RBFOX1: variants seen among roughly 807,000 people sequenced by gnomAD.
RBFOX1 encodes RNA binding protein fox-1 homolog 1.
RBFOX1 carries 8 observed loss-of-function variants against 57.7 expected under a neutral mutation model. That is an observed-to-expected ratio of 0.14 (90% CI 0.08 to 0.25). The LOEUF (loss-of-function observed/expected upper bound fraction) is 0.25. Among genes scored for constraint, RBFOX1 ranks in the 10% least tolerant of loss-of-function variants. The probability of loss-of-function intolerance (pLI) is 1.00; values close to 1 mark genes in which losing one functional copy is unlikely to be tolerated. For missense variants in RBFOX1, 611 were observed against 548.5 expected (o/e 1.11, Z -1.14); for synonymous variants, 326 against 222.4 (o/e 1.47, Z -4.15).
At chr16:6,483,612 G>A (rs1002497332) in intron 2 of RBFOX1, 4 of 1,516,578 alleles carry the variant, frequency 2.6e-6, no homozygotes, top group Non-Finnish European at 3.5e-6. Context: ...GAGGGAGGGA[G>A]GGAAGGGAGA....
intron 12 of RBFOX1, among the ~76,000 whole-genome samples, chr16:7,662,604 G>A (rs777393391): frequency 2.0e-5 from 3 of 152,178 alleles, no homozygotes; most frequent in East Asian, 3.8e-4. Context: ...AAGGTGCAAC[G>A]AGTCACATGC....
chr16:7,034,616 G>C (rs1277102376), intron 3 of RBFOX1, among the ~76,000 whole-genome samples: 1 of 151,862 alleles, frequency 6.6e-6, no homozygotes, highest in Non-Finnish European at 1.5e-5. Context: ...CAATGTTTTT[G>C]TGTCTATCTC....
intron 3 of RBFOX1, among the ~76,000 whole-genome samples, chr16:5,864,675 T>C (rs7201619): frequency 0.26 from 39,653 of 151,970 alleles, 5,696 homozygotes; most frequent in African/African-American, 0.37. Flanking sequence ...GTATGATAGT[T>C]TATAATATGG....
At chr16:7,647,878 A>G (rs1173719674) in intron 11 of RBFOX1, among the ~76,000 whole-genome samples, 1 of 152,156 alleles carries the variant, frequency 6.6e-6, no homozygotes, top group Non-Finnish European at 1.5e-5. Flanking sequence ...CTCACTCAAC[A>G]AAATATAAGT....
intron 1 of RBFOX1, among the ~76,000 whole-genome samples, chr16:5,318,897 C>T (rs1356558475): frequency 1.3e-5 from 2 of 152,150 alleles, no homozygotes; most frequent in Non-Finnish European, 2.9e-5. Context: ...CTTTGGGAGG[C>T]TGAGGCGGGC....
chr16:6,608,524 C>T (rs1354723487), intron 2 of RBFOX1, among the ~76,000 whole-genome samples: 1 of 152,086 alleles, frequency 6.6e-6, no homozygotes, highest in Non-Finnish European at 1.5e-5. Context: ...TATGGTGGCT[C>T]ACATGTGTAA....
intron 4 of RBFOX1, among the ~76,000 whole-genome samples, chr16:7,495,875 T>C (rs1195540564): frequency 6.9e-6 from 1 of 144,968 alleles, no homozygotes; most frequent in Non-Finnish European, 1.5e-5. Context: ...AATTACTTTT[T>C]TTCTTCTCCA....
At chr16:7,202,553 G>C (rs1430777781) in intron 4 of RBFOX1, among the ~76,000 whole-genome samples, 1 of 152,194 alleles carries the variant, frequency 6.6e-6, no homozygotes, top group Non-Finnish European at 1.5e-5. Context: ...TGTATGGCCT[G>C]TTAGGAATTG....
At chr16:6,078,179 C>T (rs1347513196) in intron 1 of RBFOX1, among the ~76,000 whole-genome samples, 1 of 152,088 alleles carries the variant, frequency 6.6e-6, no homozygotes, top group Non-Finnish European at 1.5e-5. Flanking sequence ...TGAGGAAATG[C>T]TTTGTACATA....
chr16:5,548,175 ATAT>A (rs1304129036), intron 2 of RBFOX1, among the ~76,000 whole-genome samples: 97 of 28,252 alleles, frequency 3.4e-3, no homozygotes, highest in Middle Eastern at 0.019. Context: ...AAAAAAAAAA[ATAT>A]ATATATATAT....
chr16:7,185,032 G>C (rs997392815), intron 4 of RBFOX1, among the ~76,000 whole-genome samples: 4 of 152,156 alleles, frequency 2.6e-5, no homozygotes, highest in Non-Finnish European at 5.9e-5. Context: ...TTGATCCTTA[G>C]ATTAAATAAC....
At chr16:5,911,327 G>T (rs1251906760) in intron 4 of RBFOX1, among the ~76,000 whole-genome samples, 1 of 152,176 alleles carries the variant, frequency 6.6e-6, no homozygotes, top group South Asian at 2.1e-4. Context: ...CTGGATACTT[G>T]TGGAAGATCC....
chr16:5,560,536 CTGTT>C (rs1482598576), intron 2 of RBFOX1, among the ~76,000 whole-genome samples: 69 of 152,322 alleles, frequency 4.5e-4, no homozygotes, highest in African/African-American at 1.6e-3. Context: ...ATTCCTTTGT[CTGTT>C]TGAATCTCCT....
chr16:6,496,538 T>G (rs1429505047), intron 2 of RBFOX1, among the ~76,000 whole-genome samples: 1 of 152,194 alleles, frequency 6.6e-6, no homozygotes, highest in East Asian at 1.9e-4. Context: ...ACGTATCAGT[T>G]TAGGCACAGT....
chr16:6,115,979 G>A (rs1386271536), intron 1 of RBFOX1, among the ~76,000 whole-genome samples: 1 of 152,126 alleles, frequency 6.6e-6, no homozygotes, highest in African/African-American at 2.4e-5. Flanking sequence ...ATGTATATTT[G>A]TTGTAGCACT....
chr16:7,469,034 C>T (rs1008335742), intron 4 of RBFOX1, among the ~76,000 whole-genome samples: 33 of 151,950 alleles, frequency 2.2e-4, no homozygotes, highest in African/African-American at 7.7e-4. Flanking sequence ...CCCAGGTTCA[C>T]ACCATTTTCC....
At chr16:6,743,855 A>G (rs1242595970) in intron 3 of RBFOX1, among the ~76,000 whole-genome samples, 1 of 148,928 alleles carries the variant, frequency 6.7e-6, no homozygotes. Context: ...TTTATTTCTG[A>G]TTATTTGTAA....
intron 2 of RBFOX1, among the ~76,000 whole-genome samples, chr16:6,537,839 C>T (rs905286671): frequency 3.3e-5 from 5 of 151,808 alleles, no homozygotes; most frequent in Non-Finnish European, 5.9e-5. Flanking sequence ...GAGTGATTTT[C>T]TTTATATATA....
intron 4 of RBFOX1, among the ~76,000 whole-genome samples, chr16:7,477,025 C>A (rs2062863653): frequency 6.6e-6 from 1 of 152,176 alleles, no homozygotes; most frequent in Non-Finnish European, 1.5e-5. Flanking sequence ...CTAACACTTG[C>A]TGTCAGGCTG....
Sources: gnomAD v4.1 joint callset for allele counts (sites outside exome capture counted in the v4.1 genomes callset) on GRCh38, gnomAD v4.1.1 for gene constraint, MANE v1.5 for transcripts, NCBI Gene and HGNC (gene_info 2026-07-23, HGNC 2026-07-21) for gene names.